Variants in GAS6 observed in about 807,000 individuals in gnomAD.
GAS6 encodes the protein growth arrest-specific protein 6.
Under a neutral mutation model 75.8 loss-of-function variants are expected in GAS6, and 41 were observed. The ratio of observed to expected loss-of-function variants is 0.54; its 90% CI spans 0.42 to 0.70. The LOEUF (loss-of-function observed/expected upper bound fraction) is 0.70, where lower values mean the gene tolerates loss of function less well. Among genes scored for constraint, GAS6 ranks in the 30% least tolerant of loss-of-function variants. The probability of loss-of-function intolerance (pLI) is 0.00; values close to 1 mark genes in which losing one functional copy is unlikely to be tolerated. For synonymous variants in GAS6, 432 were observed against 412.6 expected, an observed-to-expected ratio of 1.05 and a Z score of -0.57; for missense variants, 854 against 940.2, an observed-to-expected ratio of 0.91 and a Z score of 1.20.
Position 113,832,395 on chromosome 13 carries a change from G to C in GAS6, c.1047C>G (p.Ala349=). 1 of 1,612,138 alleles carries C rather than the reference G, an allele frequency of 6.2e-7. No individual in the cohort carries two copies. The highest frequency in any genetic ancestry group is 1.3e-5 in the African/African-American group (1 of 75,062). Residue 349 remains alanine, a synonymous_variant, in exon 10 of 15, where the codon GCC becomes GCG. Coordinates refer to ENST00000327773, the MANE Select transcript of GAS6 (RefSeq NM_000820.4). ...GHQDSTWIVL[A]LRAGRLELQL... ...GCAGCTCCAGCCGGCCGGCTCTCAGGGCCAGCACGATCCAGGTGCTGTCCT... is the reference window on the plus strand; with the variant it reads ...GCAGCTCCAGCCGGCCGGCTCTCAGCGCCAGCACGATCCAGGTGCTGTCCT...
At chr13:113,822,379 C>A (rs540842181) in intron 13 of GAS6, 193 bp from the exon 14 acceptor site, 27 of 495,842 alleles carry the variant, frequency 5.4e-5, no homozygotes, top group African/African-American at 4.1e-4. Context: ...CTCAGCTTCT[C>A]TGCACGTAAA....
At position 113,837,970 on chromosome 13, in the gene GAS6, G is replaced by T; in HGVS notation, c.589+99C>A. The T allele has an allele frequency of 1.4e-6, 2 of 1,470,310 alleles. No homozygotes were observed. Among genetic ancestry groups the T allele is most frequent in the Non-Finnish European group, 1.9e-6 (2 of 1,080,190 alleles). The allele number at this position is 1,470,310 out of a possible 1,614,324, so 91.1% of individuals were successfully genotyped here. A position where few individuals can be genotyped will look rare whatever the true frequency, so the allele number is the denominator to read the frequency against. On this transcript the variant is annotated intron_variant, in intron 6 of 14. Coordinates refer to ENST00000327773, the MANE Select transcript of GAS6 (RefSeq NM_000820.4). This position sits in a 1 kb window ranked among gnomAD's most constrained non-coding sequence, Gnocchi z 5.1. ...TGCCCCATCCCATCCAGAACCACAG[G>T]AACCCAGCCAGCAGCAGCCGCTTGC...
intron 12 of GAS6, among the ~76,000 whole-genome samples, chr13:113,826,392 CA>C (rs2051539611): frequency 1.4e-5 from 2 of 147,594 alleles, no homozygotes; most frequent in African/African-American, 5.2e-5. Flanking sequence ...CCCGGCCTCG[CA>C]GGCACCTTCT....
intron 4 of GAS6, chr13:113,842,394 GGAGTTAC>G (rs1244453102): frequency 7.6e-6 from 3 of 393,026 alleles, no homozygotes; most frequent in Non-Finnish European, 1.3e-5. Flanking sequence ...GCTGGCCTTC[GGAGTTAC>G]GAGGAAACGA....
intron 3 of GAS6, among the ~76,000 whole-genome samples, chr13:113,847,398 C>G (rs150201705): frequency 6.6e-6 from 1 of 152,360 alleles, no homozygotes; most frequent in African/African-American, 2.4e-5. Context: ...ATACATTTCT[C>G]TCCTTCTAAG....
At chr13:113,842,212 C>T (rs1166974152) in intron 4 of GAS6, 1 of 145,996 alleles carries the variant, frequency 6.8e-6, no homozygotes, top group Admixed American at 7.7e-5. Context: ...TCAGTTTCCT[C>T]AGTACACCCC....
At chr13:113,860,646 G>A (rs144062799) in intron 2 of GAS6, among the ~76,000 whole-genome samples, 382 of 152,340 alleles carry the variant, frequency 2.5e-3, no homozygotes, top group Admixed American at 3.9e-3. Flanking sequence ...CAAGGCCAGG[G>A]AGGGAGAACA....
rs2051726904 is a variant in GAS6, at chr13:113,837,200, A to G, written c.589+869T>C. Among the ~76,000 whole-genome samples the G allele has an allele frequency of 6.6e-6, 1 of 152,026 alleles. No homozygotes were observed. The highest frequency in any genetic ancestry group is 2.4e-5 in the African/African-American group (1 of 41,354). ...GATGGGAATCACGTCATCTGCACAC[A>G]GGGCTAACTCCTGGGTGGTCAGGGA... On this transcript the variant is annotated intron_variant, in intron 6 of 14. Coordinates refer to ENST00000327773, the MANE Select transcript of GAS6 (RefSeq NM_000820.4). The surrounding 1 kb of genome is among the most constrained non-coding windows in gnomAD (Gnocchi z 5.1).
intron 2 of GAS6, among the ~76,000 whole-genome samples, chr13:113,851,347 GTGAATGGA>G (rs143679223): frequency 0.083 from 12,536 of 150,314 alleles, 647 homozygotes; most frequent in East Asian, 0.17. Flanking sequence ...GGATGGGTGA[GTGAATGGA>G]TGAATGAATG....
At chr13:113,854,775 C>T (rs1450435734) in intron 2 of GAS6, among the ~76,000 whole-genome samples, 3 of 152,246 alleles carry the variant, frequency 2.0e-5, no homozygotes, top group Admixed American at 1.3e-4. Context: ...AGTCAGGAAG[C>T]CACACAGCTG....
rs1455827475 is a variant in GAS6 at position 113,843,498 on chromosome 13, C to A, written c.343+3029G>T. On this transcript the variant is annotated intron_variant, in intron 4 of 14. Coordinates refer to ENST00000327773, the MANE Select transcript of GAS6 (RefSeq NM_000820.4). Reference sequence around the variant, plus strand: ...GCTCAGTGACCGCTGCCTGGGCCACCGCCTGTGGGGACCTGACCTTCCTGG... The same window carrying A: ...GCTCAGTGACCGCTGCCTGGGCCACAGCCTGTGGGGACCTGACCTTCCTGG... 1.3e-5 allele frequency: 2 copies of A among 151,206 alleles called. 1 individual carries two copies. The highest frequency in any genetic ancestry group is 4.9e-5 in the African/African-American group (2 of 40,426). 9.4% of individuals were successfully genotyped at this position (151,206 alleles called of 1,614,324 possible).
In GAS6 at chr13:113,832,476, C is replaced by G; in HGVS notation, c.966G>C (p.Glu322Asp). ...CGGGGTCAAAGGTCCGGAAGTCAAACTCAGCTACCAGCCTGGGCACCCACA... is the reference window on the plus strand; with the variant it reads ...CGGGGTCAAAGGTCCGGAAGTCAAAGTCAGCTACCAGCCTGGGCACCCACA... ...KRLQPTRLVA[E>D]FDFRTFDPEG... The change falls in exon 10 of 15, where the codon GAG becomes GAC. Residue 322 changes from glutamate (E) to aspartate (D), a missense_variant. Glu to Asp is a conservative substitution (Grantham distance 45). Coordinates refer to ENST00000327773, the MANE Select transcript of GAS6 (RefSeq NM_000820.4). 6.2e-7 allele frequency: 1 copy of G among 1,600,198 alleles called. No homozygotes were observed. Among genetic ancestry groups the G allele is most frequent in the Non-Finnish European group, 8.5e-7 (1 of 1,171,262 alleles).
chr13:113,826,622 C>CTCGGCT (rs371317073), intron 12 of GAS6, among the ~76,000 whole-genome samples: 1 of 48,462 alleles, frequency 2.1e-5, no homozygotes, highest in Non-Finnish European at 3.9e-5. Context: ...CGGCGCCGGC[C>CTCGGCT]TCGCAGGCAC....
intron 2 of GAS6, among the ~76,000 whole-genome samples, chr13:113,859,358 G>C (rs2051950079): frequency 6.6e-6 from 1 of 150,402 alleles, no homozygotes; most frequent in African/African-American, 2.5e-5. Context: ...ATGTCTGTGT[G>C]ACTGTATGTC....
At chr13:113,846,406 G>C (rs1235580457) in intron 4 of GAS6, 121 bp downstream of exon 4, 1 of 767,536 alleles carries the variant, frequency 1.3e-6, no homozygotes, top group East Asian at 2.6e-5. Flanking sequence ...AGCAGGCCTC[G>C]GCAAGGGACC....
Position 113,835,908 on chromosome 13 carries a change from G to A in GAS6, c.590-273C>T, listed in dbSNP as rs557388606. 4.5e-5 allele frequency: 58 copies of A among 1,295,554 alleles called. No homozygotes were observed. The African/African-American group carries it at 8.3e-4, about 18-fold the overall frequency. 80.3% of individuals were successfully genotyped at this position (1,295,554 alleles called of 1,614,324 possible). ...AAGGGCCCTGCTTGGTGGAGGGGTG[G>A]GGGGCGGCGGTGCACGCTGTGCTGT... On this transcript the variant is annotated intron_variant, in intron 6 of 14. Coordinates refer to ENST00000327773, the MANE Select transcript of GAS6 (RefSeq NM_000820.4).
At chr13:113,838,740 C>CG (rs1339048801) in intron 5 of GAS6, among the ~76,000 whole-genome samples, 55 of 146,108 alleles carry the variant, frequency 3.8e-4, no homozygotes, top group South Asian at 6.6e-4. Flanking sequence ...GGGAAGGAGC[C>CG]GGGGGGGTGC....
rs1192909092 is a variant in GAS6 at position 113,835,590 on chromosome 13, C to A, written c.635G>T (p.Cys212Phe). The change falls in exon 7 of 15, where the codon TGC (cysteine) becomes TTC (phenylalanine). Residue 212 changes from cysteine (C) to phenylalanine (F), a missense_variant. Coordinates refer to ENST00000327773, the MANE Select transcript of GAS6 (RefSeq NM_000820.4). The stretch of plus-strand genomic sequence containing the variant: ...GGAGTAGGAGCCGGGCAGGTTCTTG[C>A]AGCGCGCCTCCCCGCAGGCCTCCGA... Reference protein sequence around the residue: ...ADSEACGEARCKNLPGSYSCL... With the variant: ...ADSEACGEARFKNLPGSYSCL... 2.5e-6 allele frequency: 4 copies of A among 1,612,486 alleles called. No individual in the cohort carries two copies. The highest frequency in any genetic ancestry group is 1.3e-5 in the African/African-American group (1 of 75,036).
intron 3 of GAS6, chr13:113,847,212 G>C: frequency 3.6e-6 from 1 of 279,594 alleles, no homozygotes; most frequent in Non-Finnish European, 7.1e-6. Flanking sequence ...CCTCCTGCAG[G>C]TGTGCTGTGG....
Sources: gnomAD v4.1 joint callset for allele counts (sites outside exome capture counted in the v4.1 genomes callset) on GRCh38, gnomAD v4.1.1 for gene constraint, Gnocchi (gnomAD v3.1) non-coding constraint, MANE v1.5 for transcripts, NCBI Gene and HGNC (gene_info 2026-07-23, HGNC 2026-07-21) for gene names.